The following ETV6 variants were observed in gnomAD, a reference collection of about 807,000 sequenced individuals.
ETV6 encodes transcription factor ETV6.
Under a neutral mutation model 51.1 loss-of-function variants are expected in ETV6, and 16 were observed. The ratio of observed to expected loss-of-function variants is 0.31; its 90% CI spans 0.21 to 0.48. The LOEUF (loss-of-function observed/expected upper bound fraction) is 0.48, where lower values mean the gene tolerates loss of function less well. Among genes scored for constraint, ETV6 ranks in the 20% least tolerant of loss-of-function variants. ETV6 has a pLI of 0.99. For synonymous variants in ETV6, 240 were observed against 224.1 expected (o/e 1.07, Z -0.64); for missense variants, 458 against 594.8 (o/e 0.77, Z 2.39).
At chr12:11,800,961 T>C (rs951324894) in intron 2 of ETV6, among the ~76,000 whole-genome samples, 1 of 152,194 alleles carries the variant, frequency 6.6e-6, no homozygotes, top group African/African-American at 2.4e-5. Flanking sequence ...AGCAAACATT[T>C]TCTGAGACTT....
chr12:11,824,363 C>T (rs1245286945), intron 2 of ETV6, among the ~76,000 whole-genome samples: 2 of 152,196 alleles, frequency 1.3e-5, no homozygotes, highest in South Asian at 2.1e-4. Flanking sequence ...CAAGTGGCGT[C>T]GAGGAGGTCT....
At chr12:11,724,083 T>G (rs1370031437) in intron 1 of ETV6, among the ~76,000 whole-genome samples, 1 of 152,080 alleles carries the variant, frequency 6.6e-6, no homozygotes, top group African/African-American at 2.4e-5. Context: ...TTGGTCTCAT[T>G]AGGGAAGCTG....
At chr12:11,721,563 C>A (rs1865387743) in intron 1 of ETV6, among the ~76,000 whole-genome samples, 1 of 152,172 alleles carries the variant, frequency 6.6e-6, no homozygotes, top group South Asian at 2.1e-4. Context: ...ACAATAAACA[C>A]TGTGGACTAC....
At chr12:11,820,693 AG>A (rs939694408) in intron 2 of ETV6, among the ~76,000 whole-genome samples, 1 of 152,176 alleles carries the variant, frequency 6.6e-6, no homozygotes, top group African/African-American at 2.4e-5. Flanking sequence ...ATGGCAGGAA[AG>A]GATGGTGGGA....
chr12:11,755,433 T>C (rs1188833606), intron 2 of ETV6, among the ~76,000 whole-genome samples: 2 of 152,198 alleles, frequency 1.3e-5, no homozygotes, highest in African/African-American at 2.4e-5. Context: ...ACACCATTGG[T>C]TCTGACATCT....
intron 2 of ETV6, among the ~76,000 whole-genome samples, chr12:11,795,545 TA>T (rs1334360561): frequency 2.0e-5 from 3 of 152,252 alleles, no homozygotes; most frequent in African/African-American, 7.2e-5. Context: ...ATTGATTTCC[TA>T]AAAACCATTC....
At chr12:11,874,894 T>C (rs1314104693) in intron 5 of ETV6, among the ~76,000 whole-genome samples, 1 of 119,420 alleles carries the variant, frequency 8.4e-6, no homozygotes, top group Non-Finnish European at 1.7e-5. Flanking sequence ...CGGGTCCTGT[T>C]ATGGGGTCGG....
chr12:11,746,797 T>C (rs1246924005), intron 1 of ETV6, among the ~76,000 whole-genome samples: 1 of 149,724 alleles, frequency 6.7e-6, no homozygotes, highest in African/African-American at 2.5e-5. Context: ...TCTCTTTTTT[T>C]TTTTTTTTTT....
At chr12:11,776,965 G>A (rs1179598113) in intron 2 of ETV6, among the ~76,000 whole-genome samples, 53 of 152,268 alleles carry the variant, frequency 3.5e-4, no homozygotes, top group Non-Finnish European at 2.9e-5. Flanking sequence ...TAGGCCGGGC[G>A]CAGTGGCTCA....
At chr12:11,693,018 C>T (rs375394682) in intron 1 of ETV6, among the ~76,000 whole-genome samples, 7 of 151,814 alleles carry the variant, frequency 4.6e-5, no homozygotes, top group East Asian at 1.9e-4. Context: ...CTAGCCTGGG[C>T]GACAGGATGA....
chr12:11,707,028 C>T (rs773897170), intron 1 of ETV6, among the ~76,000 whole-genome samples: 1 of 152,228 alleles, frequency 6.6e-6, no homozygotes, highest in Non-Finnish European at 1.5e-5. Context: ...TTGTGGCCAA[C>T]TTCTTGGACT....
At chr12:11,810,057 G>C (rs1270098446) in intron 2 of ETV6, among the ~76,000 whole-genome samples, 2 of 151,988 alleles carry the variant, frequency 1.3e-5, no homozygotes, top group African/African-American at 4.8e-5. Context: ...CTGACCTCGT[G>C]ATCCGCCCAC....
At chr12:11,872,745 C>T (rs1026325234) in intron 5 of ETV6, among the ~76,000 whole-genome samples, 6 of 152,156 alleles carry the variant, frequency 3.9e-5, no homozygotes, top group Non-Finnish European at 8.8e-5. Context: ...ATCTGCCTGC[C>T]TTGGCCTCCT....
At chr12:11,791,814 T>C (rs529307269) in intron 2 of ETV6, among the ~76,000 whole-genome samples, 1 of 152,338 alleles carries the variant, frequency 6.6e-6, no homozygotes, top group East Asian at 1.9e-4. Context: ...GAGTTTTATC[T>C]AATGTTTCTC....
At chr12:11,763,570 T>C (rs142050275) in intron 2 of ETV6, among the ~76,000 whole-genome samples, 1 of 152,240 alleles carries the variant, frequency 6.6e-6, no homozygotes, top group Non-Finnish European at 1.5e-5. Context: ...AAGCTTTTCT[T>C]TTGATTCTTA....
chr12:11,711,742 A>C (rs752194414), intron 1 of ETV6, among the ~76,000 whole-genome samples: 6 of 152,240 alleles, frequency 3.9e-5, no homozygotes, highest in Non-Finnish European at 8.8e-5. Flanking sequence ...AAAATGAATA[A>C]GGTATAGAGG....
At chr12:11,812,671 C>T (rs1401137712) in intron 2 of ETV6, among the ~76,000 whole-genome samples, 3 of 152,138 alleles carry the variant, frequency 2.0e-5, no homozygotes, top group Non-Finnish European at 2.9e-5. Context: ...TCACAGCCAC[C>T]ACAAAGCCAC....
In ETV6 at chr12:11,828,583, C is replaced by T. The variant is rs1266456248; in HGVS notation, c.164-10557C>T. ...GACTAAAAAAAATACTAAACGGATTCTCCAGGGATCCATGGATAAACTTGA... is the reference window on the plus strand; with the variant it reads ...GACTAAAAAAAATACTAAACGGATTTTCCAGGGATCCATGGATAAACTTGA... On this transcript the variant is annotated intron_variant, in intron 2 of 7. Transcript: ENST00000396373. Among the ~76,000 whole-genome samples the T allele has an allele frequency of 4.6e-5, 7 of 152,188 alleles. No individual in the cohort carries two copies. The East Asian group carries it at 1.2e-3, about 25-fold the overall frequency.
At chr12:11,866,569 A>G (rs1472865447) in intron 4 of ETV6, among the ~76,000 whole-genome samples, 1 of 151,984 alleles carries the variant, frequency 6.6e-6, no homozygotes, top group African/African-American at 2.4e-5. Context: ...ATTAGGTCCA[A>G]TCTGTTTCTA....
Sources: allele counts gnomAD v4.1 joint callset (sites outside exome capture counted in the v4.1 genomes callset), GRCh38; gene constraint gnomAD v4.1.1; transcripts MANE v1.5; gene names NCBI Gene and HGNC (gene_info 2026-07-23, HGNC 2026-07-21).